The following ADARB2 variants were observed in gnomAD, a reference collection of about 807,000 sequenced individuals.
ADARB2 encodes the protein inactive double-stranded RNA-specific editase B2.
Under a neutral mutation model 62.2 loss-of-function variants are expected in ADARB2, and 25 were observed. That is an observed-to-expected ratio of 0.40 (90% confidence interval 0.29 to 0.56). The LOEUF (loss-of-function observed/expected upper bound fraction) is 0.56, where lower values mean the gene tolerates loss of function less well. ADARB2 is among the 20% of genes least tolerant of loss of function. The probability of loss-of-function intolerance (pLI) is 0.43; values close to 1 mark genes in which losing one functional copy is unlikely to be tolerated. For synonymous variants in ADARB2, 572 were observed against 500.8 expected, an observed-to-expected ratio of 1.14 and a Z score of -1.90; for missense variants, 1,071 against 1,077.4, an observed-to-expected ratio of 0.99 and a Z score of 0.08.
chr10:1,243,606 T>A (rs1233690744), intron 4 of ADARB2, among the ~76,000 whole-genome samples: 1 of 152,152 alleles, frequency 6.6e-6, no homozygotes, highest in Admixed American at 6.5e-5. Context: ...CTTCGTGAGA[T>A]AAAAGGGTGG....
At chr10:1,463,377 C>T (rs1254026556) in intron 1 of ADARB2, among the ~76,000 whole-genome samples, 2 of 152,134 alleles carry the variant, frequency 1.3e-5, no homozygotes, top group Non-Finnish European at 2.9e-5. Context: ...CAGAAACCTC[C>T]GTGTGTCGTT....
intron 1 of ADARB2, among the ~76,000 whole-genome samples, chr10:1,623,729 G>A (rs998595311): frequency 1.3e-5 from 2 of 150,752 alleles, no homozygotes; most frequent in African/African-American, 4.9e-5. Context: ...ACAGGACCAG[G>A]GGCCTTCACC....
chr10:1,231,051 T>C (rs1179253361), intron 6 of ADARB2, among the ~76,000 whole-genome samples: 1 of 151,984 alleles, frequency 6.6e-6, no homozygotes, highest in Non-Finnish European at 1.5e-5. Flanking sequence ...CAGTTGGTGA[T>C]CGATGTACAG....
intron 1 of ADARB2, among the ~76,000 whole-genome samples, chr10:1,506,283 C>A (rs138611830): frequency 5.3e-5 from 8 of 152,246 alleles, no homozygotes; most frequent in African/African-American, 1.9e-4. Context: ...CTCCTGCAAC[C>A]CTTCTGAAAT....
chr10:1,623,614 C>T (rs1833733197), intron 1 of ADARB2, among the ~76,000 whole-genome samples: 1 of 152,240 alleles, frequency 6.6e-6, no homozygotes, highest in Non-Finnish European at 1.5e-5. Flanking sequence ...CTTTGAACTC[C>T]TTGTCTGTCC....
At position 1,338,316 on chromosome 10, in the gene ADARB2, G is replaced by A. The variant is rs145452582; in HGVS notation, c.1077+24712C>T. On this transcript the variant is annotated intron_variant, in intron 3 of 9. Transcript: ENST00000381312. ...AAGCTCAACTGTCTTGGGCCGCACA[G>A]TTTCAGTGGACTGTTCCCAGTTCAC... Among the ~76,000 whole-genome samples the A allele has an allele frequency of 2.4e-4, 37 of 152,326 alleles. 1 individual carries two copies. The East Asian group carries it at 7.1e-3, about 29-fold the overall frequency.
At chr10:1,371,894 C>T (rs1315301502) in intron 2 of ADARB2, among the ~76,000 whole-genome samples, 4 of 151,464 alleles carry the variant, frequency 2.6e-5, no homozygotes, top group East Asian at 1.9e-4. Flanking sequence ...CTATGGAAAA[C>T]GGTACAGAGA....
intron 4 of ADARB2, 35 bp from the exon 5 acceptor site, chr10:1,242,334 C>T (rs980027225): frequency 6.6e-7 from 1 of 1,511,216 alleles, no homozygotes; most frequent in Non-Finnish European, 8.9e-7. Flanking sequence ...CAGCGTGGCC[C>T]ACGGCCCCCG....
intron 3 of ADARB2, among the ~76,000 whole-genome samples, chr10:1,277,420 A>C (rs1589175055): frequency 6.6e-6 from 1 of 152,234 alleles, no homozygotes; most frequent in African/African-American, 2.4e-5. Flanking sequence ...GATAAAGGGG[A>C]TATCACCACC....
At chr10:1,406,543 G>T (rs911697625) in intron 1 of ADARB2, among the ~76,000 whole-genome samples, 1 of 152,196 alleles carries the variant, frequency 6.6e-6, no homozygotes, top group Non-Finnish European at 1.5e-5. Context: ...AATAAACTTG[G>T]CCTTGACTTT....
In ADARB2 at chr10:1,667,232, G is replaced by A. The variant is rs370629461; in HGVS notation, c.100+69819C>T. 7.2e-5 allele frequency among the ~76,000 whole-genome samples: 11 copies of A among 152,262 alleles called. No individual in the cohort carries two copies. In the East Asian group the frequency reaches 9.6e-4, roughly 13 times the overall value. On this transcript the variant is annotated intron_variant, in intron 1 of 9. Transcript: ENST00000381312. ...CACATGATAATTAGTCAGATATTGC[G>A]AGCTTACAACTAGGATCTTTCTGAT...
intron 1 of ADARB2, among the ~76,000 whole-genome samples, chr10:1,384,211 C>T (rs1260874143): frequency 3.4e-4 from 51 of 152,226 alleles, no homozygotes; most frequent in Admixed American, 3.3e-3. Context: ...AACATTCCCT[C>T]ATTGTGAAGA....
intron 1 of ADARB2, among the ~76,000 whole-genome samples, chr10:1,651,695 C>T (rs1834112581): frequency 6.6e-6 from 1 of 152,098 alleles, no homozygotes; most frequent in Non-Finnish European, 1.5e-5. Flanking sequence ...TAAATGAAGA[C>T]AGCAGACAGC....
At chr10:1,270,134 T>G (rs1025063046) in intron 4 of ADARB2, among the ~76,000 whole-genome samples, 3 of 152,112 alleles carry the variant, frequency 2.0e-5, no homozygotes, top group Non-Finnish European at 2.9e-5. Flanking sequence ...CCCAGCAAGA[T>G]TGGAGAGGAC....
chr10:1,209,761 C>T (rs893642421), intron 7 of ADARB2, among the ~76,000 whole-genome samples: 7 of 152,204 alleles, frequency 4.6e-5, no homozygotes, highest in Non-Finnish European at 8.8e-5. Flanking sequence ...CACACCCTTT[C>T]CCAACTTGAG....
chr10:1,207,721 T>G (rs1241421496), intron 7 of ADARB2, among the ~76,000 whole-genome samples: 2 of 152,246 alleles, frequency 1.3e-5, no homozygotes, highest in Non-Finnish European at 2.9e-5. Flanking sequence ...GGAGAAAGTT[T>G]TAATCTGTTC....
chr10:1,381,226 G>A (rs147998770), intron 1 of ADARB2, among the ~76,000 whole-genome samples: 141 of 152,246 alleles, frequency 9.3e-4, no homozygotes, highest in African/African-American at 3.2e-3. Context: ...TTCATGGTTT[G>A]TCTGAAATTC....
intron 6 of ADARB2, among the ~76,000 whole-genome samples, chr10:1,230,699 C>G: frequency 6.6e-6 from 1 of 152,090 alleles, no homozygotes; most frequent in South Asian, 2.1e-4. Flanking sequence ...GTTCTCCTGC[C>G]TTTACTGAGT....
At chr10:1,670,943 G>T (rs924794108) in intron 1 of ADARB2, among the ~76,000 whole-genome samples, 1 of 152,190 alleles carries the variant, frequency 6.6e-6, no homozygotes, top group Admixed American at 6.5e-5. Flanking sequence ...AGACAAATGT[G>T]AATCAGGCTT....
Sources: allele counts gnomAD v4.1 joint callset (sites outside exome capture counted in the v4.1 genomes callset), GRCh38; gene constraint gnomAD v4.1.1; transcripts MANE v1.5; gene names NCBI Gene and HGNC (gene_info 2026-07-23, HGNC 2026-07-21).